Variants in TBL1XR1 observed in about 807,000 individuals in gnomAD.
TBL1XR1 encodes the protein F-box-like/WD repeat-containing protein TBL1XR1.
A neutral mutation model predicts 66.9 loss-of-function variants in TBL1XR1; 5 were observed. That is an observed-to-expected ratio of 0.07 (90% CI 0.04 to 0.16). The LOEUF (loss-of-function observed/expected upper bound fraction) is 0.16. TBL1XR1 is among the 10% of genes least tolerant of loss of function. TBL1XR1 has a pLI of 1.00. For synonymous variants in TBL1XR1, 210 were observed against 206.0 expected (o/e 1.02, Z -0.17); for missense variants, 238 against 623.2 (o/e 0.38, Z 6.58).
At chr3:177,071,545 T>C (rs1296784420) in intron 2 of TBL1XR1, among the ~76,000 whole-genome samples, 1 of 152,084 alleles carries the variant, frequency 6.6e-6, no homozygotes, top group African/African-American at 2.4e-5. Context: ...GTCCAAAAGA[T>C]TGTTCAGGAA....
At chr3:177,198,779 T>C (rs1737244918), upstream of TBL1XR1, among the ~76,000 whole-genome samples, 1 of 152,166 alleles carries the variant, frequency 6.6e-6, no homozygotes. Flanking sequence ...GTTTTCCTAC[T>C]TTCATCAGAA....
At chr3:177,038,580 A>C (rs1715134379) in intron 10 of TBL1XR1, 146 bp from the exon 11 acceptor site, 2 of 775,182 alleles carry the variant, frequency 2.6e-6, no homozygotes, top group South Asian at 3.9e-5. Flanking sequence ...TTAAGAAAAA[A>C]TTAAAATAAA....
intron 1 of TBL1XR1, among the ~76,000 whole-genome samples, chr3:177,133,195 A>T (rs916587403): frequency 3.3e-5 from 5 of 152,148 alleles, no homozygotes; most frequent in Non-Finnish European, 7.4e-5. Flanking sequence ...GCTGAGGCAC[A>T]AGAATAGCTT....
intron 1 of TBL1XR1, among the ~76,000 whole-genome samples, chr3:177,106,382 G>A (rs1369043004): frequency 2.6e-5 from 4 of 152,294 alleles, no homozygotes; most frequent in African/African-American, 4.8e-5. Context: ...TTTGTTCTAC[G>A]TGCGCCCCAT....
At chr3:177,174,864 T>C (rs908582598) in intron 1 of TBL1XR1, among the ~76,000 whole-genome samples, 1 of 152,218 alleles carries the variant, frequency 6.6e-6, no homozygotes, top group Non-Finnish European at 1.5e-5. Context: ...TTTAAAATCC[T>C]TCACTAGTTC....
intron 1 of TBL1XR1, 85 bp from the exon 2 acceptor site, chr3:177,098,626 G>T: frequency 1.4e-6 from 1 of 715,046 alleles, no homozygotes; most frequent in Non-Finnish European, 1.7e-6. Flanking sequence ...TTACATGTTT[G>T]AAATATTCTT....
intron 1 of TBL1XR1, among the ~76,000 whole-genome samples, chr3:177,169,193 T>C (rs944999163): frequency 4.6e-5 from 7 of 152,200 alleles, no homozygotes; most frequent in African/African-American, 7.2e-5. Context: ...GTTCCAACAT[T>C]AGTGAAGACC....
At chr3:177,120,763 A>G (rs1726891558) in intron 1 of TBL1XR1, 2 of 152,404 alleles carry the variant, frequency 1.3e-5, no homozygotes, top group Non-Finnish European at 2.9e-5. Context: ...TACTGACTAC[A>G]TAATCAATTG....
chr3:177,080,115 A>C (rs981695838), intron 2 of TBL1XR1, among the ~76,000 whole-genome samples: 2 of 152,228 alleles, frequency 1.3e-5, no homozygotes, highest in Admixed American at 1.3e-4. Flanking sequence ...GGTTGAAAAT[A>C]ATTTTCATAA....
chr3:177,035,728 G>A (rs909885911), intron 12 of TBL1XR1, among the ~76,000 whole-genome samples: 2 of 152,064 alleles, frequency 1.3e-5, no homozygotes, highest in Non-Finnish European at 2.9e-5. Flanking sequence ...CTAGCTGTGG[G>A]TGTCTGCCTG....
chr3:177,050,226 G>C, intron 6 of TBL1XR1, 88 bp from the exon 7 acceptor site: 1 of 1,470,216 alleles, frequency 6.8e-7, no homozygotes, highest in Non-Finnish European at 9.2e-7. Context: ...ATATTAATAA[G>C]GCAAATAAAA....
intron 2 of TBL1XR1, among the ~76,000 whole-genome samples, chr3:177,081,191 T>C (rs1473431054): frequency 3.9e-5 from 6 of 152,238 alleles, no homozygotes; most frequent in Non-Finnish European, 5.9e-5. Flanking sequence ...GAATCATTAA[T>C]AAGATTTCTC....
At chr3:177,184,312 C>G (rs1048404048) in intron 1 of TBL1XR1, among the ~76,000 whole-genome samples, 4 of 152,110 alleles carry the variant, frequency 2.6e-5, no homozygotes, top group Non-Finnish European at 5.9e-5. Context: ...AGCCATAGTT[C>G]CACAAATCCC....
intron 2 of TBL1XR1, among the ~76,000 whole-genome samples, chr3:177,090,349 T>C (rs1722668684): frequency 6.6e-6 from 1 of 152,012 alleles, no homozygotes; most frequent in Non-Finnish European, 1.5e-5. Flanking sequence ...TAAAAACAAA[T>C]ATTTTTAAAT....
chr3:177,193,435 C>A (rs147645734), intron 1 of TBL1XR1, among the ~76,000 whole-genome samples: 3 of 151,910 alleles, frequency 2.0e-5, no homozygotes, highest in Admixed American at 1.3e-4. Flanking sequence ...CTCAGCCTCC[C>A]GAGTAGCTGG....
intron 3 of TBL1XR1, among the ~76,000 whole-genome samples, chr3:177,057,230 T>C (rs1717917997): frequency 6.6e-6 from 1 of 152,188 alleles, no homozygotes; most frequent in Non-Finnish European, 1.5e-5. Context: ...CTCTTTCTCC[T>C]ATCTGAATGG....
intron 1 of TBL1XR1, among the ~76,000 whole-genome samples, chr3:177,171,993 C>G (rs4857671): frequency 0.95 from 143,823 of 152,154 alleles, 68,125 homozygotes; most frequent in Admixed American, 0.98. Context: ...TGGCCAGATG[C>G]GGTGGCTCAC....
chr3:177,186,253 AAAG>A (rs1360831404), intron 1 of TBL1XR1, among the ~76,000 whole-genome samples: 1 of 152,198 alleles, frequency 6.6e-6, no homozygotes, highest in African/African-American at 2.4e-5. Flanking sequence ...ACAGTAATTT[AAAG>A]AAAACCCATC....
intron 1 of TBL1XR1, among the ~76,000 whole-genome samples, chr3:177,102,981 A>G (rs1724411016): frequency 6.6e-6 from 1 of 152,264 alleles, no homozygotes; most frequent in Non-Finnish European, 1.5e-5. Flanking sequence ...CCCTAACAGA[A>G]CTAAGAATAA....
Sources: gnomAD v4.1 joint callset for allele counts (sites outside exome capture counted in the v4.1 genomes callset) on GRCh38, gnomAD v4.1.1 for gene constraint, MANE v1.5 for transcripts, NCBI Gene and HGNC (gene_info 2026-07-23, HGNC 2026-07-21) for gene names.